Variants in PLSCR2 observed in about 807,000 individuals in gnomAD.
PLSCR2 encodes the protein PL scramblase 2.
In PLSCR2, 18 loss-of-function variants were observed where a neutral mutation model predicts 25.3. That is an observed-to-expected ratio of 0.71 (90% CI 0.49 to 1.06). The LOEUF is 1.06. PLSCR2 is among the 50% of genes least tolerant of loss of function. The pLI is 0.00. For synonymous variants in PLSCR2, 88 were observed against 87.3 expected (o/e 1.01, Z -0.04); for missense variants, 243 against 269.5 (o/e 0.90, Z 0.69).
intron 2 of PLSCR2, among the ~76,000 whole-genome samples, chr3:146,459,431 T>C (rs2041422192): frequency 6.6e-6 from 1 of 152,198 alleles, no homozygotes; most frequent in South Asian, 2.1e-4. Flanking sequence ...AGGTTTTTAA[T>C]CCTTGGTAAT....
chr3:146,475,994 C>T (rs1425316437), intron 1 of PLSCR2, among the ~76,000 whole-genome samples: 1 of 152,250 alleles, frequency 6.6e-6, no homozygotes, highest in African/African-American at 2.4e-5. Context: ...TGGTCAGCTT[C>T]TTCTATGCCC....
At chr3:146,438,745 C>T (rs1012168734), downstream of PLSCR2, among the ~76,000 whole-genome samples, 1 of 152,110 alleles carries the variant, frequency 6.6e-6, no homozygotes, top group African/African-American at 2.4e-5. Flanking sequence ...CAGTCTGTGT[C>T]TTTTAATTGG....
At chr3:146,482,145 C>T (rs942811020) in intron 1 of PLSCR2, among the ~76,000 whole-genome samples, 1 of 152,064 alleles carries the variant, frequency 6.6e-6, no homozygotes, top group African/African-American at 2.4e-5. Context: ...CTAGGCAATA[C>T]CATTCAGGAC....
At chr3:146,437,571 T>C (rs1045975318), downstream of PLSCR2, among the ~76,000 whole-genome samples, 4 of 152,314 alleles carry the variant, frequency 2.6e-5, no homozygotes, top group South Asian at 2.1e-4. Context: ...GAGGTGTTTA[T>C]AGTATTCTCT....
chr3:146,440,351 C>T (rs895563596), downstream of PLSCR2, among the ~76,000 whole-genome samples: 7 of 152,222 alleles, frequency 4.6e-5, no homozygotes, highest in African/African-American at 1.7e-4. Context: ...GCCTTTTCTT[C>T]AGCTATTCCC....
intron 3 of PLSCR2, among the ~76,000 whole-genome samples, chr3:146,457,309 A>G (rs893961094): frequency 6.6e-6 from 1 of 152,264 alleles, no homozygotes; most frequent in Non-Finnish European, 1.5e-5. Flanking sequence ...TTATTATATC[A>G]GAAGGAAGAC....
At chr3:146,438,528 A>C (rs1193060804), downstream of PLSCR2, among the ~76,000 whole-genome samples, 1 of 152,122 alleles carries the variant, frequency 6.6e-6, no homozygotes, top group Non-Finnish European at 1.5e-5. Flanking sequence ...CCATTATGTA[A>C]TGGCCTTCTT....
At chr3:146,482,950 T>C (rs569298607) in intron 1 of PLSCR2, among the ~76,000 whole-genome samples, 14 of 152,148 alleles carry the variant, frequency 9.2e-5, no homozygotes, top group African/African-American at 3.1e-4. Flanking sequence ...CTGGAAACCA[T>C]CATTCTCAGA....
At chr3:146,416,613 A>G (rs1479797212) in intron 2 of PLSCR2, 1 of 152,210 alleles carries the variant, frequency 6.6e-6, no homozygotes, top group African/African-American at 2.4e-5. Context: ...AGTGCTTTAG[A>G]GTATGACAAA....
At chr3:146,416,390 T>A (rs1479359165) in intron 2 of PLSCR2, 1 of 152,166 alleles carries the variant, frequency 6.6e-6, no homozygotes, top group African/African-American at 2.4e-5. Context: ...ATCTTAATGT[T>A]AAAGTCACAG....
At chr3:146,494,949 T>C (rs532555889) in intron 1 of PLSCR2, 1 of 152,312 alleles carries the variant, frequency 6.6e-6, no homozygotes, top group African/African-American at 2.4e-5. Flanking sequence ...ATCCCAGTTT[T>C]ATGGATCAAA....
chr3:146,492,915 GAAT>G (rs965986061), intron 1 of PLSCR2, among the ~76,000 whole-genome samples: 4 of 151,290 alleles, frequency 2.6e-5, no homozygotes, highest in African/African-American at 9.7e-5. Context: ...CTAGCTAGAT[GAAT>G]AAAGAAAAAA....
In PLSCR2 at chr3:146,400,136, C is replaced by T. The variant is rs143214920; in HGVS notation, c.101-4215G>A. Among the ~76,000 whole-genome samples the T allele has an allele frequency of 4.7e-3, 708 of 151,694 alleles. 5 individuals carry two copies. Among genetic ancestry groups the T allele is most frequent in the African/African-American group, 0.016 (669 of 41,456 alleles). ...CCAGAATCCAGAGAGTAAATAAATA[C>T]ATACATTCATAAATTTATACATACA... On this transcript the variant is annotated intron_variant and NMD_transcript_variant, in intron 2 of 3. Transcript: ENST00000463633.
rs754423860 is a variant in PLSCR2 at position 146,455,473 on chromosome 3, T to C, written c.101-14A>G. The C allele has an allele frequency of 6.7e-7, 1 of 1,486,148 alleles. No homozygotes were observed. The highest frequency in any genetic ancestry group is 1.1e-5 in the South Asian group (1 of 88,356). The allele number at this position is 1,486,148 out of a possible 1,614,324, so 92.1% of individuals were successfully genotyped here. A position where few individuals can be genotyped will look rare whatever the true frequency, so the allele number is the denominator to read the frequency against. Reference sequence around the variant, plus strand: ...AACTGAATAGAACTAAAAATGAAAATAAAATCAGTTGCCTTTACGTTAAAA... The same window carrying C: ...AACTGAATAGAACTAAAAATGAAAACAAAATCAGTTGCCTTTACGTTAAAA... On this transcript the variant is annotated splice_polypyrimidine_tract_variant and intron_variant, in intron 3 of 6. Coordinates refer to ENST00000610787, the Ensembl canonical transcript of PLSCR2.
intron 1 of PLSCR2, among the ~76,000 whole-genome samples, chr3:146,471,044 T>C (rs888579634): frequency 1.8e-4 from 1 of 5,496 alleles, no homozygotes; most frequent in African/African-American, 7.8e-4. Context: ...TTTTTGTTTT[T>C]TTGTTTTTTT....
chr3:146,493,739 A>G (rs11708619), intron 1 of PLSCR2, among the ~76,000 whole-genome samples: 47,335 of 147,946 alleles, frequency 0.32, 7,654 homozygotes, highest in South Asian at 0.41. Flanking sequence ...GGAGTCCAAC[A>G]AATTTCTTTG....
chr3:146,403,219 A>G (rs1039755577), intron 2 of PLSCR2, among the ~76,000 whole-genome samples: 9 of 152,132 alleles, frequency 5.9e-5, no homozygotes, highest in Admixed American at 2.6e-4. Context: ...TCTTAGTGAT[A>G]TATTCTGAAA....
chr3:146,400,037 A>G (rs2038411473), intron 2 of PLSCR2, among the ~76,000 whole-genome samples: 1 of 151,826 alleles, frequency 6.6e-6, no homozygotes, highest in Admixed American at 6.6e-5. Context: ...TAGATGGAAA[A>G]ACAAAGCCTC....
intron 2 of PLSCR2, among the ~76,000 whole-genome samples, chr3:146,398,259 C>T (rs1366022693): frequency 6.6e-6 from 1 of 151,608 alleles, no homozygotes; most frequent in African/African-American, 2.4e-5. Context: ...TTAGTAAGCA[C>T]CTAAAAATTT....
Sources: gnomAD v4.1 joint callset for allele counts (sites outside exome capture counted in the v4.1 genomes callset) on GRCh38, gnomAD v4.1.1 for gene constraint, MANE v1.5 for transcripts, NCBI Gene and HGNC (gene_info 2026-07-23, HGNC 2026-07-21) for gene names.